Variants in S1PR3 observed in about 807,000 individuals in gnomAD.
S1PR3 encodes the protein sphingosine 1-phosphate receptor 3.
Under a neutral mutation model 13.3 loss-of-function variants are expected in S1PR3, and 12 were observed. The ratio of observed to expected loss-of-function variants is 0.90; its 90% confidence interval spans 0.58 to 1.46. The LOEUF is 1.46. Ranked by LOEUF, S1PR3 falls within the 40% of genes most tolerant of loss-of-function variation. The probability of loss-of-function intolerance (pLI) is 0.00; values close to 1 mark genes in which losing one functional copy is unlikely to be tolerated. For missense variants in S1PR3, 450 were observed against 501.9 expected, an observed-to-expected ratio of 0.90 and a Z score of 0.99; for synonymous variants, 232 against 214.0, an observed-to-expected ratio of 1.08 and a Z score of -0.73.
Position 89,002,404 on chromosome 9 carries a change from C to T in S1PR3, c.*67C>T. On this transcript the variant is annotated 3_prime_UTR_variant, in exon 2 of 2. Transcript: ENST00000358157. ...TTGCATGCGTCGCTTCCACAGGGGCCCCTCAAGAGCTGTGACTCGGGAGAG... is the reference window on the plus strand; with the variant it reads ...TTGCATGCGTCGCTTCCACAGGGGCTCCTCAAGAGCTGTGACTCGGGAGAG... The T allele has an allele frequency of 6.5e-7, 1 of 1,533,470 alleles. No individual in the cohort carries two copies. The highest frequency in any genetic ancestry group is 8.8e-7 in the Non-Finnish European group (1 of 1,133,710). The allele number at this position is 1,533,470 out of a possible 1,614,324, so 95.0% of individuals were successfully genotyped here. A position where few individuals can be genotyped will look rare whatever the true frequency, so the allele number is the denominator to read the frequency against.
At chr9:88,992,298 C>T in intron 1 of S1PR3, 1 of 411,658 alleles carries the variant, frequency 2.4e-6, no homozygotes, top group Non-Finnish European at 4.4e-6. Context: ...CTCTCTCTCT[C>T]TTCCTCTGAC....
chr9:88,993,197 T>C (rs901320155), intron 1 of S1PR3: 3 of 152,694 alleles, frequency 2.0e-5, no homozygotes, highest in Admixed American at 6.5e-5. Flanking sequence ...GGATCTTATT[T>C]CTCAAAATTC....
In S1PR3 at chr9:89,001,083, C is replaced by G. The variant is rs1825860281; in HGVS notation, c.-118C>G. 5 of 1,186,806 alleles carry G rather than the reference C, an allele frequency of 4.2e-6. No individual in the cohort carries two copies. The highest frequency in any genetic ancestry group is 6.0e-6 in the Non-Finnish European group (5 of 837,082). 73.5% of individuals were successfully genotyped at this position (1,186,806 alleles called of 1,614,324 possible). A position where few individuals can be genotyped will look rare whatever the true frequency, so the allele number is the denominator to read the frequency against. On this transcript the variant is annotated 5_prime_UTR_variant, in exon 2 of 2. Transcript: ENST00000358157. Reference sequence around the variant, plus strand: ...CCTTTTTCAACGCCCTCGCTGGAGTCTGGCCTGCACGCCTTGCTGAATGAA... The same window carrying G: ...CCTTTTTCAACGCCCTCGCTGGAGTGTGGCCTGCACGCCTTGCTGAATGAA...
chr9:88,990,879 C>A, upstream of S1PR3: 1 of 1,283,370 alleles, frequency 7.8e-7, no homozygotes, highest in Non-Finnish European at 1.1e-6. Context: ...CGGAGAGGGA[C>A]CAGGCAGGCG....
intron 1 of S1PR3, chr9:88,994,671 C>T (rs546358899): frequency 6.0e-6 from 1 of 166,706 alleles, no homozygotes; most frequent in South Asian, 2.1e-4. Flanking sequence ...CCTGAGTTTC[C>T]TGGGGCACAG....
chr9:88,991,478 G>T lies in S1PR3; in HGVS notation c.-365G>T. On this transcript the variant is annotated 5_prime_UTR_variant, in exon 1 of 2. Transcript: ENST00000358157. This position sits in a 1 kb window ranked among gnomAD's most constrained non-coding sequence, Gnocchi z 4.0. ...CTGACTCGCTCGGGCAGAGGCCGAG[G>T]AAGCCGGTTCCGGGGACGGGCAACA... 3.2e-6 allele frequency: 5 copies of T among 1,547,696 alleles called. No individual in the cohort carries two copies. Among genetic ancestry groups the T allele is most frequent in the Non-Finnish European group, 3.5e-6 (4 of 1,145,942 alleles).
At chr9:88,993,048 C>A (rs1825744923) in intron 1 of S1PR3, 1 of 152,554 alleles carries the variant, frequency 6.6e-6, no homozygotes, top group Non-Finnish European at 1.5e-5. Context: ...ATTTCTCAAC[C>A]AGTTTTCATC....
rs778833424 is a variant in S1PR3, at chr9:89,002,251, G to A, written c.1051G>A (p.Val351Ile). Reference sequence around the variant, plus strand: ...CAACAATAGCAGCCACTCTCCGAAGGTCAAGGAAGACCTGCCCCACACAGC... The same window carrying A: ...CAACAATAGCAGCCACTCTCCGAAGATCAAGGAAGACCTGCCCCACACAGC... The part of the protein sequence containing the change: ...SSNNSSHSPK[V>I]KEDLPHTAPS... The change falls in exon 2 of 2, where the codon GTC (valine) becomes ATC (isoleucine). Residue 351 changes from valine to isoleucine, a missense_variant. Physicochemically the swap from Val to Ile is conservative, Grantham distance 29. Coordinates refer to ENST00000358157, the MANE Select transcript of S1PR3 (RefSeq NM_005226.4). 3.1e-6 allele frequency: 5 copies of A among 1,614,134 alleles called. No individual in the cohort carries two copies. The African/African-American group carries it at 6.7e-5, about 22-fold the overall frequency.
In S1PR3 at chr9:88,991,812, A is replaced by T; in HGVS notation, c.-148+117A>T. On this transcript the variant is annotated intron_variant, in intron 1 of 1. Transcript: ENST00000358157. This position sits in a 1 kb window ranked among gnomAD's most constrained non-coding sequence, Gnocchi z 4.0. ...GGCGCGACGGGGACTTGGGCGCGCC[A>T]CGGCGGCCGGAGCGCTCCACATCAG... 1 of 1,608,370 alleles carries T rather than the reference A, an allele frequency of 6.2e-7. No individual in the cohort carries two copies. The highest frequency in any genetic ancestry group is 8.5e-7 in the Non-Finnish European group (1 of 1,177,136).
At position 89,002,323 on chromosome 9, in the gene S1PR3, ATCT is replaced by A; in HGVS notation, c.1127_1129del (p.Phe376del). Reference sequence around the variant, plus strand: ...CAAGAACGCAGCACTTCAGAATGGGATCTTCTGCAACTGATCGTCTCCATGCGC... The same window carrying A: ...CAAGAACGCAGCACTTCAGAATGGGATCTGCAACTGATCGTCTCCATGCGC... On this transcript the variant is annotated inframe_deletion, in exon 2 of 2. Transcript: ENST00000358157. 1 of 1,613,850 alleles carries A rather than the reference ATCT, an allele frequency of 6.2e-7. No individual in the cohort carries two copies. The highest frequency in any genetic ancestry group is 8.5e-7 in the Non-Finnish European group (1 of 1,179,868).
intron 1 of S1PR3, chr9:88,992,208 G>T (rs1039143183): frequency 3.2e-6 from 2 of 628,422 alleles, no homozygotes; most frequent in East Asian, 5.6e-5. Context: ...TCAGTACGTT[G>T]TGTTCGTAAC....
Position 89,001,183 on chromosome 9 carries a change from G to C in S1PR3, c.-18G>C. The C allele has an allele frequency of 6.2e-7, 1 of 1,608,016 alleles. No homozygotes were observed. The highest frequency in any genetic ancestry group is 8.5e-7 in the Non-Finnish European group (1 of 1,176,066). On this transcript the variant is annotated 5_prime_UTR_variant, in exon 2 of 2. Coordinates refer to ENST00000358157, the MANE Select transcript of S1PR3 (RefSeq NM_005226.4). ...CCTCTCGTGGATTTTGGAGCTAATC[G>C]TCTGTGAATGCCAAGTGATGGCAAC...
At chr9:88,995,050 T>C (rs1825782522) in intron 1 of S1PR3, 1 of 167,148 alleles carries the variant, frequency 6.0e-6, no homozygotes, top group African/African-American at 2.4e-5. Flanking sequence ...AACGGCCGAC[T>C]CATTATTTCC....
intron 1 of S1PR3, chr9:88,995,646 T>C (rs1434016893): frequency 6.0e-6 from 1 of 167,090 alleles, no homozygotes; most frequent in East Asian, 1.9e-4. Flanking sequence ...TGAAAACCCT[T>C]AGCTAATGGG....
chr9:88,997,910 C>G (rs1291877723), intron 1 of S1PR3: 1 of 152,306 alleles, frequency 6.6e-6, no homozygotes, highest in African/African-American at 2.4e-5. Flanking sequence ...TGCCTTTGCT[C>G]CATGCCTTTT....
At position 88,994,890 on chromosome 9, in the gene S1PR3, G is replaced by C. The variant is rs961965387; in HGVS notation, c.-148+3195G>C. 1.8e-5 allele frequency: 3 copies of C among 167,052 alleles called. No individual in the cohort carries two copies. The Admixed American group carries it at 2.0e-4, about 11-fold the overall frequency. 10.3% of individuals were successfully genotyped at this position (167,052 alleles called of 1,614,324 possible). On this transcript the variant is annotated intron_variant, in intron 1 of 1. Coordinates refer to ENST00000358157, the MANE Select transcript of S1PR3 (RefSeq NM_005226.4). ...TCTGTAACAGTTGTTATTTCTCAGG[G>C]GAGCTGCATTAATGGGCCAAGCCTG...
chr9:88,990,918 A>T, upstream of S1PR3: 1 of 1,575,472 alleles, frequency 6.3e-7, no homozygotes, highest in African/African-American at 1.4e-5. Flanking sequence ...GAAAAGGAAG[A>T]AGCCCAAACA....
chr9:88,991,375 G>T, upstream of S1PR3: 1 of 1,298,726 alleles, frequency 7.7e-7, no homozygotes, highest in Non-Finnish European at 1.1e-6. This position sits in a 1 kb window ranked among gnomAD's most constrained non-coding sequence, Gnocchi z 4.0. Flanking sequence ...GGCGGGGAGA[G>T]GGGCGGGAGT....
rs751714472 is a variant in S1PR3, at chr9:89,001,383, G to T, written c.183G>T (p.Leu61Phe). The change falls in exon 2 of 2, where the codon TTG becomes TTT. Residue 61 changes from leucine to phenylalanine, a missense_variant. Coordinates refer to ENST00000358157, the MANE Select transcript of S1PR3 (RefSeq NM_005226.4). ...TCGTCTTGGAGAACCTGATGGTTTT[G>T]ATTGCCATCTGGAAAAACAATAAAT... is the stretch of plus-strand genomic sequence containing the variant. ...SFIVLENLMV[L>F]IAIWKNNKFH... is the part of the protein sequence containing the mutation. 2.5e-6 allele frequency: 4 copies of T among 1,614,176 alleles called. No individual in the cohort carries two copies. The highest frequency in any genetic ancestry group is 3.3e-5 in the Admixed American group (2 of 60,030).
Sources: allele counts gnomAD v4.1 joint callset, GRCh38; gene constraint gnomAD v4.1.1; non-coding constraint Gnocchi (gnomAD v3.1); transcripts MANE v1.5; gene names NCBI Gene and HGNC (gene_info 2026-07-23, HGNC 2026-07-21).